The following RASGEF1A variants were observed in gnomAD, a reference collection of about 807,000 sequenced individuals.
The protein encoded by RASGEF1A is RasGEF domain family member 1A.
A neutral mutation model predicts 56.4 loss-of-function variants in RASGEF1A; 18 were observed. The observed-to-expected ratio is 0.32, with a 90% CI of 0.22 to 0.47. The LOEUF (loss-of-function observed/expected upper bound fraction) is 0.47. RASGEF1A is among the 20% of genes least tolerant of loss of function. RASGEF1A has a pLI of 1.00. For synonymous variants in RASGEF1A, 245 were observed against 242.6 expected (o/e 1.01, Z -0.09); for missense variants, 422 against 627.1 (o/e 0.67, Z 3.49).
At chr10:43,252,377 G>A (rs1221159361) in intron 1 of RASGEF1A, among the ~76,000 whole-genome samples, 1 of 152,156 alleles carries the variant, frequency 6.6e-6, no homozygotes, top group Non-Finnish European at 1.5e-5. Context: ...CAGGCCAGGA[G>A]TCAAGGGCCT....
chr10:43,199,256 C>G (rs543300768), intron 7 of RASGEF1A, 62 bp from the exon 8 acceptor site: 4 of 1,324,336 alleles, frequency 3.0e-6, no homozygotes, highest in Non-Finnish European at 4.3e-6. Context: ...CTGGGGCCGC[C>G]GGGCAGAGGA....
rs1839775495 is a variant in RASGEF1A, at chr10:43,194,983, A to T, written c.*1261T>A. The T allele has an allele frequency of 6.6e-6, 1 of 152,306 alleles. No homozygotes were observed. Among genetic ancestry groups the T allele is most frequent in the Non-Finnish European group, 1.5e-5 (1 of 68,052 alleles). The allele number at this position is 152,306 out of a possible 1,614,324, so 9.4% of individuals were successfully genotyped here. ...TCCTCCCCAGGCCCAGCCTTTCCCAATGTCTTCAGGCTCTTCCAGGAGCTT... is the reference window on the plus strand; with the variant it reads ...TCCTCCCCAGGCCCAGCCTTTCCCATTGTCTTCAGGCTCTTCCAGGAGCTT... On this transcript the variant is annotated 3_prime_UTR_variant, in exon 13 of 13. Coordinates refer to ENST00000395810, the MANE Select transcript of RASGEF1A (RefSeq NM_145313.4).
rs553808439 is a variant in RASGEF1A at position 43,196,939 on chromosome 10, G to A, written c.1348+37C>T. 5.6e-6 allele frequency: 9 copies of A among 1,608,194 alleles called. No individual in the cohort carries two copies. The Admixed American group carries it at 1.3e-4, about 24-fold the overall frequency. On this transcript the variant is annotated intron_variant, in intron 11 of 12. Coordinates refer to ENST00000395810, the MANE Select transcript of RASGEF1A (RefSeq NM_145313.4). This position sits in a 1 kb window ranked among gnomAD's most constrained non-coding sequence, Gnocchi z 4.6. ...CCGGGCCTGGACAAGGAGTCAGGTG[G>A]GGTGGGAGGCATGCTGCGTTGGGAG...
At chr10:43,247,890 C>A (rs557729838) in intron 1 of RASGEF1A, among the ~76,000 whole-genome samples, 1 of 151,824 alleles carries the variant, frequency 6.6e-6, no homozygotes, top group Non-Finnish European at 1.5e-5. Flanking sequence ...GGTGAAACCC[C>A]GTCTCTACTA....
chr10:43,199,793 G>T, intron 6 of RASGEF1A, 25 bp from the exon 7 acceptor site: 1 of 1,593,328 alleles, frequency 6.3e-7, no homozygotes, highest in Non-Finnish European at 8.6e-7. Context: ...GCAGGTCATA[G>T]GGGGCCTGGA....
At chr10:43,251,258 G>A (rs1467926351) in intron 1 of RASGEF1A, among the ~76,000 whole-genome samples, 2 of 152,164 alleles carry the variant, frequency 1.3e-5, no homozygotes. Context: ...GCAGCCGCCT[G>A]GGGCCCTCAT....
intron 1 of RASGEF1A, among the ~76,000 whole-genome samples, chr10:43,264,225 G>A (rs1172085363): frequency 6.6e-6 from 1 of 151,762 alleles, no homozygotes; most frequent in Non-Finnish European, 1.5e-5. Flanking sequence ...GTTCCTGGCA[G>A]CTCGCCACTC....
chr10:43,202,011 T>C, intron 3 of RASGEF1A, 66 bp from the exon 4 acceptor site: 1 of 1,469,886 alleles, frequency 6.8e-7, no homozygotes, highest in Non-Finnish European at 9.1e-7. Context: ...TGGCAAATGG[T>C]GCAAGCTTCC....
chr10:43,242,061 C>A (rs1056823828), intron 1 of RASGEF1A, among the ~76,000 whole-genome samples: 1 of 152,140 alleles, frequency 6.6e-6, no homozygotes, highest in African/African-American at 2.4e-5. Flanking sequence ...TGGCGTGAAC[C>A]CAGGAGGTGG....
At chr10:43,266,446 G>C (rs1439547393) in intron 1 of RASGEF1A, among the ~76,000 whole-genome samples, 1 of 151,924 alleles carries the variant, frequency 6.6e-6, no homozygotes, top group African/African-American at 2.4e-5. Context: ...GCAGCCCTGA[G>C]CTCCTCCGAT....
At chr10:43,199,643 A>G in intron 7 of RASGEF1A, 33 bp downstream of exon 7, 1 of 1,563,888 alleles carries the variant, frequency 6.4e-7, no homozygotes, top group African/African-American at 1.3e-5. Context: ...TGGGCATGGC[A>G]GCCACCCCAC....
chr10:43,253,826 A>G (rs773761208), intron 1 of RASGEF1A, among the ~76,000 whole-genome samples: 1 of 152,246 alleles, frequency 6.6e-6, no homozygotes, highest in Non-Finnish European at 1.5e-5. Flanking sequence ...TGGCCGAGAT[A>G]AGAAGCATGT....
At chr10:43,202,648 G>GCCCCCCCCCCCCCCCCC in intron 3 of RASGEF1A, 2 of 459,816 alleles carry the variant, frequency 4.3e-6, no homozygotes, top group South Asian at 1.6e-5. Flanking sequence ...CCCGCCCCCG[G>GCCCCCCCCCCCCCCCCC]CCCCCGCACC....
intron 1 of RASGEF1A, among the ~76,000 whole-genome samples, chr10:43,263,434 G>A (rs1836570965): frequency 6.6e-6 from 1 of 152,188 alleles, no homozygotes; most frequent in Non-Finnish European, 1.5e-5. Context: ...GGCTGAGCAA[G>A]TTTCGTTGTT....
chr10:43,264,407 G>A (rs925670970), intron 1 of RASGEF1A, among the ~76,000 whole-genome samples: 1 of 149,028 alleles, frequency 6.7e-6, no homozygotes, highest in Non-Finnish European at 1.5e-5. Flanking sequence ...CCACCAGTGG[G>A]TATCAGAGGC....
Position 43,216,540 on chromosome 10 carries a change from T to C in RASGEF1A, c.-6-10418A>G, listed in dbSNP as rs553698327. Among the ~76,000 whole-genome samples the C allele has an allele frequency of 2.6e-5, 4 of 152,316 alleles. No individual in the cohort carries two copies. In the South Asian group the frequency reaches 8.3e-4, roughly 32 times the overall value. ...ATTCCCCATGCAAATGCACATCTTTTGCTAAACCTTCAGTGGGCCCTTTGC... is the reference window on the plus strand; with the variant it reads ...ATTCCCCATGCAAATGCACATCTTTCGCTAAACCTTCAGTGGGCCCTTTGC... On this transcript the variant is annotated intron_variant, in intron 1 of 12. Transcript: ENST00000395810.
chr10:43,235,387 T>C (rs572397017), intron 1 of RASGEF1A, among the ~76,000 whole-genome samples: 2 of 152,296 alleles, frequency 1.3e-5, no homozygotes, highest in East Asian at 1.9e-4. Flanking sequence ...CTGGGGTCCA[T>C]GAGTCTTTCC....
At chr10:43,238,776 C>T (rs1840467650) in intron 1 of RASGEF1A, among the ~76,000 whole-genome samples, 2 of 152,190 alleles carry the variant, frequency 1.3e-5, no homozygotes, top group Non-Finnish European at 2.9e-5. Flanking sequence ...AGTCCTGCCC[C>T]CTCTTCCATG....
At chr10:43,219,712 G>A (rs536304586) in intron 1 of RASGEF1A, among the ~76,000 whole-genome samples, 1 of 152,318 alleles carries the variant, frequency 6.6e-6, no homozygotes, top group Admixed American at 6.5e-5. Context: ...CAGCCGCGTA[G>A]GCCACACACA....
Sources: gnomAD v4.1 joint callset for allele counts (sites outside exome capture counted in the v4.1 genomes callset) on GRCh38, gnomAD v4.1.1 for gene constraint, Gnocchi (gnomAD v3.1) non-coding constraint, MANE v1.5 for transcripts, NCBI Gene and HGNC (gene_info 2026-07-23, HGNC 2026-07-21) for gene names.